SGCD: variants seen among roughly 807,000 people sequenced by gnomAD.
SGCD encodes the protein delta-sarcoglycan.
SGCD carries 18 observed loss-of-function variants against 36.6 expected under a neutral mutation model. The observed-to-expected ratio is 0.49, with a 90% CI of 0.34 to 0.73. SGCD has a LOEUF of 0.73. Ranked by LOEUF, SGCD falls within the 30% of genes least tolerant of loss-of-function variation. SGCD has a pLI of 0.01. For missense variants in SGCD, 387 were observed against 346.7 expected (o/e 1.12, Z -0.92); for synonymous variants, 133 against 130.6 (o/e 1.02, Z -0.12).
chr5:156,690,380 TC>T (rs1172347125), intron 7 of SGCD, among the ~76,000 whole-genome samples: 2 of 152,084 alleles, frequency 1.3e-5, no homozygotes, highest in Non-Finnish European at 2.9e-5. Context: ...AGCTAATGAG[TC>T]TTGAAACTGG....
At chr5:155,917,869 T>C (rs184309502) in intron 1 of SGCD, among the ~76,000 whole-genome samples, 1 of 152,212 alleles carries the variant, frequency 6.6e-6, no homozygotes, top group South Asian at 2.1e-4. Context: ...TAAGAAATTT[T>C]CAAAGAGCCC....
intron 3 of SGCD, among the ~76,000 whole-genome samples, chr5:156,419,394 G>A (rs1268841541): frequency 2.0e-5 from 3 of 152,126 alleles, no homozygotes; most frequent in African/African-American, 7.2e-5. Flanking sequence ...GCCAAGAAAG[G>A]AAGCTAAGGA....
intron 3 of SGCD, among the ~76,000 whole-genome samples, chr5:156,229,297 T>TATATATATATATATATATATAA (rs1554085621): frequency 3.3e-5 from 4 of 119,880 alleles, no homozygotes; most frequent in African/African-American, 1.3e-4. Context: ...TATATATATA[T>TATATATATATATATATATATAA]ATAAAATTAG....
chr5:156,565,854 T>C (rs1256479190), intron 4 of SGCD, among the ~76,000 whole-genome samples: 3 of 152,214 alleles, frequency 2.0e-5, no homozygotes, highest in Non-Finnish European at 4.4e-5. Context: ...GCTTCATCAA[T>C]GTCCCTGCAA....
intron 2 of SGCD, among the ~76,000 whole-genome samples, chr5:156,119,921 G>C (rs1045203333): frequency 9.9e-5 from 15 of 152,148 alleles, no homozygotes; most frequent in African/African-American, 3.4e-4. Flanking sequence ...AAGCGTTCAA[G>C]GCCGCCTGAC....
intron 7 of SGCD, among the ~76,000 whole-genome samples, chr5:156,699,894 A>G (rs916602339): frequency 6.6e-6 from 1 of 152,218 alleles, no homozygotes; most frequent in African/African-American, 2.4e-5. Flanking sequence ...GCATTGATCA[A>G]GATCCCAGGC....
chr5:156,487,792 A>AG (rs1755746962), intron 3 of SGCD, among the ~76,000 whole-genome samples: 1 of 68,540 alleles, frequency 1.5e-5, no homozygotes, highest in Non-Finnish European at 2.6e-5. Flanking sequence ...TGTCACCAAA[A>AG]AAAAAAAAAA....
intron 3 of SGCD, among the ~76,000 whole-genome samples, chr5:156,364,789 A>G (rs1471534411): frequency 6.6e-6 from 1 of 152,204 alleles, no homozygotes; most frequent in Non-Finnish European, 1.5e-5. Flanking sequence ...TGGTAAAGCA[A>G]AAGTACACAC....
upstream of SGCD, among the ~76,000 whole-genome samples, chr5:155,869,782 C>T (rs1229812770): frequency 2.0e-5 from 3 of 152,012 alleles, no homozygotes; most frequent in South Asian, 4.2e-4. Flanking sequence ...GGGCGGATCA[C>T]GAGGTCAAGA....
At chr5:155,936,468 ATCCTT>A (rs1049931718) in intron 1 of SGCD, among the ~76,000 whole-genome samples, 2 of 152,096 alleles carry the variant, frequency 1.3e-5, no homozygotes, top group Non-Finnish European at 2.9e-5. Context: ...TCGTCCCATC[ATCCTT>A]TTAGCTCTCA....
At chr5:156,476,089 G>T (rs1329857785) in intron 3 of SGCD, among the ~76,000 whole-genome samples, 3 of 152,100 alleles carry the variant, frequency 2.0e-5, no homozygotes, top group Non-Finnish European at 4.4e-5. Flanking sequence ...GCTAGCCTAG[G>T]TTCCCATGTA....
At chr5:156,107,493 T>C (rs1761676722) in intron 1 of SGCD, among the ~76,000 whole-genome samples, 2 of 152,164 alleles carry the variant, frequency 1.3e-5, no homozygotes, top group African/African-American at 2.4e-5. Context: ...TATAAAAATA[T>C]GCATATTGTT....
rs1408123462 is a variant in SGCD, at chr5:155,996,888, G to T, written c.-281-120990G>T. On this transcript the variant is annotated intron_variant, in intron 1 of 9. Transcript: ENST00000517913. ...GGATAGATAGATAGATAGATAGATA[G>T]ATAGATAGATAGATAGATAGACAGA... 4.1e-5 allele frequency among the ~76,000 whole-genome samples: 6 copies of T among 144,776 alleles called. No homozygotes were observed. In the East Asian group the frequency reaches 1.2e-3, roughly 28 times the overall value. The allele number at this position is 144,776 out of a possible 152,430, so 95.0% of individuals were successfully genotyped here.
chr5:156,337,857 T>A (rs1053343987), intron 2 of SGCD, among the ~76,000 whole-genome samples: 1 of 152,130 alleles, frequency 6.6e-6, no homozygotes, highest in Admixed American at 6.6e-5. Flanking sequence ...AAAAATAGAT[T>A]GGGATTGGAA....
intron 6 of SGCD, among the ~76,000 whole-genome samples, chr5:156,621,927 A>C (rs1388984584): frequency 6.6e-6 from 1 of 152,140 alleles, no homozygotes; most frequent in African/African-American, 2.4e-5. Context: ...TTTTCACTTC[A>C]TGTATGAGAA....
intron 6 of SGCD, among the ~76,000 whole-genome samples, chr5:156,623,292 C>A (rs996348851): frequency 2.2e-4 from 34 of 152,208 alleles, no homozygotes; most frequent in African/African-American, 7.5e-4. Flanking sequence ...TGGGGACCAG[C>A]AAGATCTAAT....
the SGCD span, among the ~76,000 whole-genome samples, chr5:155,792,082 T>C: frequency 1.3e-5 from 2 of 151,956 alleles, no homozygotes; most frequent in Admixed American, 1.3e-4. Flanking sequence ...GAAACAGAGC[T>C]GAGAGCCCAG....
chr5:156,264,943 G>T (rs980180753), intron 3 of SGCD, among the ~76,000 whole-genome samples: 1 of 152,136 alleles, frequency 6.6e-6, no homozygotes, highest in Admixed American at 6.6e-5. Context: ...GAGAAGCAGA[G>T]AGCATATTAG....
At chr5:156,119,263 A>C (rs1581109800) in intron 2 of SGCD, among the ~76,000 whole-genome samples, 1 of 152,194 alleles carries the variant, frequency 6.6e-6, no homozygotes, top group Non-Finnish European at 1.5e-5. Context: ...TTTAATCAGA[A>C]ATAAAACCTA....
Sources: allele counts gnomAD v4.1 joint callset (sites outside exome capture counted in the v4.1 genomes callset), GRCh38; gene constraint gnomAD v4.1.1; transcripts MANE v1.5; gene names NCBI Gene and HGNC (gene_info 2026-07-23, HGNC 2026-07-21).